The following EVL variants were observed in gnomAD, a reference collection of about 807,000 sequenced individuals.
The protein encoded by EVL is ena/VASP-like protein.
A neutral mutation model predicts 59.6 loss-of-function variants in EVL; 21 were observed. The observed-to-expected ratio is 0.35, with a 90% CI of 0.25 to 0.51. The LOEUF (loss-of-function observed/expected upper bound fraction) is 0.51. Among genes scored for constraint, EVL ranks in the 20% least tolerant of loss-of-function variants. The probability of loss-of-function intolerance (pLI) is 0.97; values close to 1 mark genes in which losing one functional copy is unlikely to be tolerated. For synonymous variants in EVL, 198 were observed against 203.5 expected, an observed-to-expected ratio of 0.97 and a Z score of 0.23; for missense variants, 462 against 546.6, an observed-to-expected ratio of 0.85 and a Z score of 1.54.
At chr14:100,103,100 CAAA>C (rs59534389) in intron 3 of EVL, among the ~76,000 whole-genome samples, 4 of 94,466 alleles carry the variant, frequency 4.2e-5, no homozygotes, top group Admixed American at 1.2e-4. Context: ...GACTCCGTCT[CAAA>C]AAAAAAAAAA....
intron 3 of EVL, among the ~76,000 whole-genome samples, chr14:100,105,507 C>G (rs181370475): frequency 2.0e-5 from 3 of 151,768 alleles, no homozygotes; most frequent in Admixed American, 2.0e-4. Context: ...AGTCTTTTGC[C>G]AGGCAAGGCG....
chr14:100,053,209 GAA>G (rs1158288341), intron 1 of EVL, among the ~76,000 whole-genome samples: 1 of 152,152 alleles, frequency 6.6e-6, no homozygotes, highest in African/African-American at 2.4e-5. Context: ...ACAAGCAAAA[GAA>G]AGATTAACAT....
At chr14:100,018,459 G>A (rs1232887780) in intron 1 of EVL, among the ~76,000 whole-genome samples, 1 of 152,226 alleles carries the variant, frequency 6.6e-6, no homozygotes, top group Admixed American at 6.5e-5. Context: ...TATTTCTTGA[G>A]CTGTGAGGAG....
At chr14:100,112,228 C>T (rs1170614715) in intron 3 of EVL, among the ~76,000 whole-genome samples, 1 of 152,204 alleles carries the variant, frequency 6.6e-6, no homozygotes, top group African/African-American at 2.4e-5. Context: ...GATACAGTTT[C>T]CAGTTTGAGA....
intron 1 of EVL, among the ~76,000 whole-genome samples, chr14:100,000,104 T>G (rs1020126695): frequency 2.0e-5 from 3 of 152,220 alleles, no homozygotes; most frequent in African/African-American, 7.2e-5. Flanking sequence ...TCAGTTAATT[T>G]AGAAAGTTTG....
intron 1 of EVL, among the ~76,000 whole-genome samples, chr14:100,014,080 G>T (rs1216423684): frequency 6.6e-6 from 1 of 152,032 alleles, no homozygotes; most frequent in East Asian, 1.9e-4. Context: ...CAATAAATTA[G>T]TGTTGACTGT....
intron 1 of EVL, among the ~76,000 whole-genome samples, chr14:100,047,145 T>TTTTTTTA (rs55650233): frequency 7.8e-6 from 1 of 128,006 alleles, no homozygotes; most frequent in South Asian, 2.5e-4. Context: ...TTTTTTTTTT[T>TTTTTTTA]ACCTGACCCC....
At chr14:100,065,917 A>G (rs2061921087) in intron 1 of EVL, among the ~76,000 whole-genome samples, 1 of 152,176 alleles carries the variant, frequency 6.6e-6, no homozygotes, top group African/African-American at 2.4e-5. Flanking sequence ...TTCTAAATAT[A>G]GGCAGAGAGG....
intron 2 of EVL, among the ~76,000 whole-genome samples, chr14:100,095,721 TTTGTTGTTG>T (rs59077179): frequency 1.1e-4 from 17 of 151,860 alleles, no homozygotes; most frequent in Admixed American, 9.8e-4. Context: ...AATTACAGGT[TTTGTTGTTG>T]TTGTTGTTGT....
chr14:100,138,138 A>T, intron 11 of EVL: 1 of 420,972 alleles, frequency 2.4e-6, no homozygotes, highest in Non-Finnish European at 4.3e-6. Flanking sequence ...TTCCCCCCAC[A>T]AAGTGAGGTC....
chr14:99,990,273 C>G (rs1443222891), intron 1 of EVL, among the ~76,000 whole-genome samples: 1 of 152,184 alleles, frequency 6.6e-6, no homozygotes, highest in Non-Finnish European at 1.5e-5. Flanking sequence ...ACTAGGGTAT[C>G]AGCGAAGTTC....
intron 1 of EVL, among the ~76,000 whole-genome samples, chr14:100,017,556 G>A (rs929808743): frequency 6.6e-6 from 1 of 152,090 alleles, no homozygotes; most frequent in Non-Finnish European, 1.5e-5. Flanking sequence ...GAGAGGCGTG[G>A]GCAGTATCAA....
rs1886218072 is a variant in EVL, at chr14:100,101,455, G to A, written c.358+3797G>A. On this transcript the variant is annotated intron_variant, in intron 3 of 13. Coordinates refer to ENST00000392920, the MANE Select transcript of EVL (RefSeq NM_016337.3). ...AGATTGTGCCATTGCACTCCACTTT[G>A]GGCAACAAGAGCGAAACTCTGTCTC... Among the ~76,000 whole-genome samples the A allele has an allele frequency of 4.6e-5, 7 of 152,124 alleles. No homozygotes were observed. The South Asian group carries it at 1.5e-3, about 32-fold the overall frequency.
At chr14:100,055,817 CTCTTT>C (rs2061722031) in intron 1 of EVL, among the ~76,000 whole-genome samples, 2 of 152,062 alleles carry the variant, frequency 1.3e-5, no homozygotes, top group African/African-American at 4.8e-5. Flanking sequence ...CTTTTTCTTT[CTCTTT>C]TTCTTTTGGA....
chr14:100,047,374 C>G (rs574450903), intron 1 of EVL, among the ~76,000 whole-genome samples: 1 of 152,170 alleles, frequency 6.6e-6, no homozygotes, highest in East Asian at 1.9e-4. Context: ...TCTGGACTCC[C>G]TGTACCCAAG....
At chr14:100,048,640 C>T (rs556139758) in intron 1 of EVL, among the ~76,000 whole-genome samples, 21 of 152,292 alleles carry the variant, frequency 1.4e-4, no homozygotes, top group African/African-American at 5.1e-4. Context: ...GAAATGAAAG[C>T]TTACGTTCGT....
chr14:100,034,192 G>A (rs993725409), intron 1 of EVL, among the ~76,000 whole-genome samples: 8 of 146,758 alleles, frequency 5.5e-5, no homozygotes, highest in Non-Finnish European at 7.4e-5. Flanking sequence ...CTGAAATCAC[G>A]CCACTGCACT....
At chr14:100,042,925 T>G (rs1436191601) in intron 1 of EVL, among the ~76,000 whole-genome samples, 3 of 152,148 alleles carry the variant, frequency 2.0e-5, no homozygotes, top group Non-Finnish European at 4.4e-5. Context: ...AAGCCCTGAG[T>G]CTGGTGGATA....
intron 3 of EVL, chr14:100,106,841 C>T: frequency 2.5e-6 from 1 of 398,572 alleles, no homozygotes; most frequent in Non-Finnish European, 4.4e-6. Context: ...AAAACTGAGC[C>T]CCAGAGGGAG....
Sources: allele counts gnomAD v4.1 joint callset (sites outside exome capture counted in the v4.1 genomes callset), GRCh38; gene constraint gnomAD v4.1.1; transcripts MANE v1.5; gene names NCBI Gene and HGNC (gene_info 2026-07-23, HGNC 2026-07-21).